The following FEZ1 variants were observed in gnomAD, a reference collection of about 807,000 sequenced individuals.
The protein encoded by FEZ1 is fasciculation and elongation protein zeta-1.
In FEZ1, 20 loss-of-function variants were observed where a neutral mutation model predicts 49.3. That is an observed-to-expected ratio of 0.41 (90% CI 0.29 to 0.59). FEZ1 has a LOEUF of 0.59. Among genes scored for constraint, FEZ1 ranks in the 20% least tolerant of loss-of-function variants. FEZ1 has a pLI of 0.36. For missense variants in FEZ1, 413 were observed against 476.0 expected (o/e 0.87, Z 1.23); for synonymous variants, 170 against 180.9 (o/e 0.94, Z 0.48).
rs746285935 is a variant in FEZ1, at chr11:125,489,428, T to C, written c.311+39A>G. ...GTCAAGGAGACAAGGACTACAGGGCTCTCGACTGAAGCAGGAGAGGGCAAT... is the reference window on the plus strand; with the variant it reads ...GTCAAGGAGACAAGGACTACAGGGCCCTCGACTGAAGCAGGAGAGGGCAAT... On this transcript the variant is annotated intron_variant, in intron 2 of 9. Transcript: ENST00000278919. The surrounding 1 kb of genome is among the most constrained non-coding windows in gnomAD (Gnocchi z 4.2). 6.4e-7 allele frequency: 1 copy of C among 1,572,482 alleles called. No individual in the cohort carries two copies. Among genetic ancestry groups the C allele is most frequent in the Admixed American group, 1.8e-5 (1 of 54,436 alleles).
At position 125,443,888 on chromosome 11, in the gene FEZ1, G is replaced by A. The variant is rs1956873793; in HGVS notation, c.*2207C>T. On this transcript the variant is annotated 3_prime_UTR_variant, in exon 10 of 10. Transcript: ENST00000278919. ...TGATTAGCTTGTCTCTGCCGCTTCAGACACCTGCTGGCAGGATAAATTGGG... is the reference window on the plus strand; with the variant it reads ...TGATTAGCTTGTCTCTGCCGCTTCAAACACCTGCTGGCAGGATAAATTGGG... Among the ~76,000 whole-genome samples the A allele has an allele frequency of 6.6e-6, 1 of 152,182 alleles. No individual in the cohort carries two copies. The highest frequency in any genetic ancestry group is 2.4e-5 in the African/African-American group (1 of 41,430).
chr11:125,459,539 C>A (rs1392323579), intron 5 of FEZ1, among the ~76,000 whole-genome samples: 1 of 152,044 alleles, frequency 6.6e-6, no homozygotes, highest in East Asian at 1.9e-4. Flanking sequence ...CTGCAGTGAG[C>A]CAAGATCATG....
chr11:125,460,748 G>A (rs886988358), intron 4 of FEZ1, 82 bp from the exon 5 acceptor site: 1 of 1,185,168 alleles, frequency 8.4e-7, no homozygotes, highest in Non-Finnish European at 1.2e-6. Context: ...AGTTAAGGAT[G>A]TTCCTAATTA....
chr11:125,483,839 T>A (rs1045845953), intron 2 of FEZ1, among the ~76,000 whole-genome samples: 1 of 152,232 alleles, frequency 6.6e-6, no homozygotes, highest in Admixed American at 6.5e-5. Flanking sequence ...ACCTTGAGAC[T>A]ATTTACATCC....
chr11:125,468,754 G>A (rs915504021), intron 3 of FEZ1, among the ~76,000 whole-genome samples: 3 of 152,144 alleles, frequency 2.0e-5, no homozygotes, highest in African/African-American at 7.2e-5. Context: ...AGGTAAAGGG[G>A]GTCACACAGC....
In FEZ1 at chr11:125,444,954, T is replaced by G. The variant is rs1222567766; in HGVS notation, c.*1141A>C. Among the ~76,000 whole-genome samples, 1 of 152,186 alleles carries G rather than the reference T, an allele frequency of 6.6e-6. No homozygotes were observed. The highest frequency in any genetic ancestry group is 1.5e-5 in the Non-Finnish European group (1 of 68,034). On this transcript the variant is annotated 3_prime_UTR_variant, in exon 10 of 10. Transcript: ENST00000278919. ...AGTGCAGGCTACAGCAAGTGCCCAG[T>G]ACAAGTTTTTGCTTTCAGAGGAGGA... is the stretch of plus-strand genomic sequence containing the variant.
At chr11:125,488,504 CT>C (rs1361706486) in intron 2 of FEZ1, among the ~76,000 whole-genome samples, 22 of 152,068 alleles carry the variant, frequency 1.4e-4, no homozygotes, top group Admixed American at 2.0e-4. Context: ...CATGGTGAAA[CT>C]CCCATCTCTA....
chr11:125,483,681 C>G (rs952079558), intron 2 of FEZ1, among the ~76,000 whole-genome samples: 3 of 152,256 alleles, frequency 2.0e-5, no homozygotes, highest in African/African-American at 7.2e-5. Flanking sequence ...AATGAACATG[C>G]ATACAGGCAC....
chr11:125,443,987 C>A lies in FEZ1; in HGVS notation c.*2108G>T, dbSNP rs1048641638. Among the ~76,000 whole-genome samples, 1 of 152,214 alleles carries A rather than the reference C, an allele frequency of 6.6e-6. No individual in the cohort carries two copies. Among genetic ancestry groups the A allele is most frequent in the Non-Finnish European group, 1.5e-5 (1 of 68,044 alleles). Reference sequence around the variant, plus strand: ...AGCTCTCAGGAATTCACTGCTTCCCCTTTGCTGAGGCTGGTGAAAAACCCC... The same window carrying A: ...AGCTCTCAGGAATTCACTGCTTCCCATTTGCTGAGGCTGGTGAAAAACCCC... On this transcript the variant is annotated 3_prime_UTR_variant, in exon 10 of 10. Coordinates refer to ENST00000278919, the MANE Select transcript of FEZ1 (RefSeq NM_005103.5).
At chr11:125,477,274 C>T (rs1277253490) in intron 3 of FEZ1, among the ~76,000 whole-genome samples, 1 of 150,398 alleles carries the variant, frequency 6.6e-6, no homozygotes, top group Non-Finnish European at 1.5e-5. Context: ...GCAGGCGGCT[C>T]ACTTGAGATC....
At chr11:125,453,949 A>AT in intron 7 of FEZ1, 181 bp downstream of exon 7, 1 of 397,204 alleles carries the variant, frequency 2.5e-6, no homozygotes, top group Non-Finnish European at 4.4e-6. Flanking sequence ...AAAAAAAAAA[A>AT]GTTTGCCTTT....
rs969144848 is a variant in FEZ1 at position 125,443,231 on chromosome 11, A to G, written c.*2864T>C. Among the ~76,000 whole-genome samples, 10 of 152,194 alleles carry G rather than the reference A, an allele frequency of 6.6e-5. No individual in the cohort carries two copies. The highest frequency in any genetic ancestry group is 6.5e-4 in the Admixed American group (10 of 15,278). On this transcript the variant is annotated 3_prime_UTR_variant, in exon 10 of 10. Coordinates refer to ENST00000278919, the MANE Select transcript of FEZ1 (RefSeq NM_005103.5). ...ATCCTAGACAGGACTTGAGTTTTGC[A>G]ATCAGGATTGACTCAGGCCTGAAAA...
Position 125,466,309 on chromosome 11 carries a change from C to T in FEZ1, c.412-2739G>A, listed in dbSNP as rs902329284. 4.6e-5 allele frequency among the ~76,000 whole-genome samples: 7 copies of T among 151,838 alleles called. No homozygotes were observed. The South Asian group carries it at 1.0e-3, about 23-fold the overall frequency. ...CAACCTGGGCAACATGGCAAGACTCCGTCTCTAAAAAAATAGAAAAATTAG... is the reference window on the plus strand; with the variant it reads ...CAACCTGGGCAACATGGCAAGACTCTGTCTCTAAAAAAATAGAAAAATTAG... On this transcript the variant is annotated intron_variant, in intron 3 of 9. Coordinates refer to ENST00000278919, the MANE Select transcript of FEZ1 (RefSeq NM_005103.5).
At chr11:125,452,502 T>A (rs1029815607) in intron 7 of FEZ1, 93 bp from the exon 8 acceptor site, 1 of 752,082 alleles carries the variant, frequency 1.3e-6, no homozygotes, top group Non-Finnish European at 2.4e-6. Context: ...ACACTGCAAA[T>A]CTGACCTTCT....
intron 8 of FEZ1, 61 bp downstream of exon 8, chr11:125,452,273 C>T (rs1358404800): frequency 2.6e-6 from 3 of 1,157,672 alleles, no homozygotes; most frequent in Middle Eastern, 2.1e-4. Flanking sequence ...GGAGGTACAA[C>T]GTACAGGCAG....
rs149931255 is a variant in FEZ1 at position 125,455,453 on chromosome 11, C to T, written c.939+382G>A. On this transcript the variant is annotated intron_variant, in intron 6 of 9. Transcript: ENST00000278919. ...TTTCAATCACTGAAACACCTTAGCA[C>T]GCCCTAAAGAGACCAGTCAGGACTG... The T allele has an allele frequency of 3.2e-4, 74 of 229,960 alleles. 1 individual carries two copies. The highest frequency in any genetic ancestry group is 5.5e-4 in the South Asian group (6 of 10,826). 14.2% of individuals were successfully genotyped at this position (229,960 alleles called of 1,614,324 possible). A position where few individuals can be genotyped will look rare whatever the true frequency, so the allele number is the denominator to read the frequency against.
intron 4 of FEZ1, 104 bp from the exon 5 acceptor site, chr11:125,460,770 A>T (rs768647195): frequency 1.1e-6 from 1 of 950,222 alleles, no homozygotes; most frequent in Non-Finnish European, 1.6e-6. Flanking sequence ...CTATCTGAAA[A>T]TTTCTAAAGC....
intron 1 of FEZ1, among the ~76,000 whole-genome samples, chr11:125,490,728 A>G (rs1296497237): frequency 6.6e-6 from 1 of 152,124 alleles, no homozygotes; most frequent in Non-Finnish European, 1.5e-5. Context: ...CTAATAAAAC[A>G]TCAATAGAGA....
chr11:125,446,703 G>A (rs1444691221), intron 9 of FEZ1, among the ~76,000 whole-genome samples: 2 of 151,866 alleles, frequency 1.3e-5, no homozygotes, highest in Non-Finnish European at 1.5e-5. Context: ...TTTGAGACAG[G>A]GTCTTGCTGT....
Sources: allele counts gnomAD v4.1 joint callset (sites outside exome capture counted in the v4.1 genomes callset), GRCh38; gene constraint gnomAD v4.1.1; non-coding constraint Gnocchi (gnomAD v3.1); transcripts MANE v1.5; gene names NCBI Gene and HGNC (gene_info 2026-07-23, HGNC 2026-07-21).